SNTG1: variants seen among roughly 807,000 people sequenced by gnomAD.
SNTG1 encodes gamma-1-syntrophin.
A neutral mutation model predicts 74.7 loss-of-function variants in SNTG1; 39 were observed. That is an observed-to-expected ratio of 0.52 (90% confidence interval 0.40 to 0.68). The LOEUF is 0.68. SNTG1 is among the 30% of genes least tolerant of loss of function. SNTG1 has a pLI of 0.00. For synonymous variants in SNTG1, 254 were observed against 217.1 expected (o/e 1.17, Z -1.49); for missense variants, 685 against 609.5 (o/e 1.12, Z -1.30).
intron 18 of SNTG1, among the ~76,000 whole-genome samples, chr8:50,754,631 CT>C (rs1244879676): frequency 6.6e-6 from 1 of 151,848 alleles, no homozygotes; most frequent in Non-Finnish European, 1.5e-5. Context: ...TTAATTTTTA[CT>C]GATTTTTATA....
chr8:50,699,238 A>G (rs2095415403), intron 15 of SNTG1, among the ~76,000 whole-genome samples: 1 of 152,102 alleles, frequency 6.6e-6, no homozygotes, highest in African/African-American at 2.4e-5. Context: ...TGGGTAGGCA[A>G]TGAGATAAGT....
intron 2 of SNTG1, among the ~76,000 whole-genome samples, chr8:50,273,161 C>G (rs1284203199): frequency 6.6e-6 from 1 of 152,062 alleles, no homozygotes; most frequent in Non-Finnish European, 1.5e-5. Flanking sequence ...ATGTTTAGAA[C>G]AGTTTTAAGA....
chr8:50,780,681 G>A (rs2095656543), intron 18 of SNTG1, among the ~76,000 whole-genome samples: 1 of 151,990 alleles, frequency 6.6e-6, no homozygotes. Flanking sequence ...TTTTTTGAAG[G>A]CTTTTTTGTG....
intron 1 of SNTG1, among the ~76,000 whole-genome samples, chr8:49,965,786 G>C (rs1206213281): frequency 6.6e-6 from 1 of 152,098 alleles, no homozygotes; most frequent in Non-Finnish European, 1.5e-5. Context: ...ACAAATTTTA[G>C]TTATCATCCT....
intron 15 of SNTG1, among the ~76,000 whole-genome samples, chr8:50,673,736 G>A (rs939800211): frequency 2.0e-5 from 3 of 152,086 alleles, no homozygotes; most frequent in African/African-American, 7.2e-5. Context: ...GGTGAGAGAG[G>A]GCATCCTTGT....
At chr8:49,983,300 T>C (rs1188093511) in intron 1 of SNTG1, among the ~76,000 whole-genome samples, 4 of 152,216 alleles carry the variant, frequency 2.6e-5, no homozygotes, top group Non-Finnish European at 5.9e-5. Context: ...GTTTAGAGAA[T>C]TTGAAGCAAA....
intron 9 of SNTG1, among the ~76,000 whole-genome samples, chr8:50,526,333 T>C (rs1442806913): frequency 1.3e-5 from 2 of 152,180 alleles, no homozygotes; most frequent in African/African-American, 4.8e-5. Flanking sequence ...TGGCTGCAAG[T>C]TTGACACTTA....
At chr8:50,306,380 A>G (rs528689846) in intron 2 of SNTG1, among the ~76,000 whole-genome samples, 25 of 152,196 alleles carry the variant, frequency 1.6e-4, no homozygotes, top group African/African-American at 5.5e-4. Flanking sequence ...TCTTTTTCAT[A>G]TAATAACTCC....
At chr8:50,266,676 G>GTATATA (rs1407307551) in intron 2 of SNTG1, among the ~76,000 whole-genome samples, 1 of 138,166 alleles carries the variant, frequency 7.2e-6, no homozygotes, top group African/African-American at 2.8e-5. Context: ...GTGTGTGTGT[G>GTATATA]TGTGTGTGTA....
At chr8:50,177,653 A>G (rs1223435009) in intron 2 of SNTG1, among the ~76,000 whole-genome samples, 1 of 152,190 alleles carries the variant, frequency 6.6e-6, no homozygotes, top group Non-Finnish European at 1.5e-5. Context: ...TCATGGAAAC[A>G]AAGACTTACT....
chr8:50,238,569 G>C (rs1011709818), intron 2 of SNTG1, among the ~76,000 whole-genome samples: 3 of 152,010 alleles, frequency 2.0e-5, no homozygotes, highest in African/African-American at 7.2e-5. Context: ...TATCATTCTG[G>C]ACATTATTTC....
chr8:50,508,120 C>T (rs1445307715), intron 9 of SNTG1, among the ~76,000 whole-genome samples: 1 of 152,118 alleles, frequency 6.6e-6, no homozygotes, highest in Non-Finnish European at 1.5e-5. Context: ...TTCCTGTGTT[C>T]ATGTGTTCTC....
chr8:50,639,693 T>C lies in SNTG1; in HGVS notation c.850-17216T>C, dbSNP rs145790294. Among the ~76,000 whole-genome samples, 243 of 152,208 alleles carry C rather than the reference T, an allele frequency of 1.6e-3. 2 individuals carry two copies. The highest frequency in any genetic ancestry group is 0.01 in the Middle Eastern group (3 of 292). ...AATGTACATTTTAAAAATACTTATA[T>C]TTAAATAATATATCAAGTAAACTCT... On this transcript the variant is annotated intron_variant, in intron 13 of 18. Coordinates refer to ENST00000642720, the MANE Select transcript of SNTG1 (RefSeq NM_018967.5).
At chr8:50,617,146 T>TA (rs1563651855) in intron 13 of SNTG1, among the ~76,000 whole-genome samples, 1 of 152,200 alleles carries the variant, frequency 6.6e-6, no homozygotes, top group Non-Finnish European at 1.5e-5. Context: ...GCATAACACT[T>TA]ATCACTGCCT....
intron 1 of SNTG1, among the ~76,000 whole-genome samples, chr8:50,171,174 TAGTC>T (rs2082792734): frequency 6.6e-6 from 1 of 152,112 alleles, no homozygotes; most frequent in Non-Finnish European, 1.5e-5. Context: ...CCATCTGTAT[TAGTC>T]AGGGTTCTCT....
chr8:50,651,577 C>A (rs1381597325), intron 13 of SNTG1, among the ~76,000 whole-genome samples: 2 of 151,314 alleles, frequency 1.3e-5, no homozygotes. Flanking sequence ...CCTGCCTCAG[C>A]CTCCCGAGTA....
chr8:50,780,151 G>A (rs926829203), intron 18 of SNTG1, among the ~76,000 whole-genome samples: 4 of 152,128 alleles, frequency 2.6e-5, no homozygotes, highest in African/African-American at 9.7e-5. Context: ...CAAGGATATT[G>A]GTCTAAAATT....
intron 1 of SNTG1, among the ~76,000 whole-genome samples, chr8:50,033,193 A>G (rs7835615): frequency 0.88 from 132,686 of 151,530 alleles, 58,191 homozygotes; most frequent in East Asian, 0.99. Context: ...GCACTATGTC[A>G]GCTCACCACA....
At chr8:50,029,731 C>A (rs1466657394) in intron 1 of SNTG1, among the ~76,000 whole-genome samples, 2 of 152,000 alleles carry the variant, frequency 1.3e-5, no homozygotes, top group Admixed American at 1.3e-4. Context: ...TACCACATTT[C>A]CTTTATTCAT....
Sources: gnomAD v4.1 joint callset for allele counts (sites outside exome capture counted in the v4.1 genomes callset) on GRCh38, gnomAD v4.1.1 for gene constraint, MANE v1.5 for transcripts, NCBI Gene and HGNC (gene_info 2026-07-23, HGNC 2026-07-21) for gene names.